CSGALNACT1: variants seen among roughly 807,000 people sequenced by gnomAD.
The protein encoded by CSGALNACT1 is beta4GalNAcT-1.
A neutral mutation model predicts 51.0 loss-of-function variants in CSGALNACT1; 52 were observed. The ratio of observed to expected loss-of-function variants is 1.02; its 90% confidence interval spans 0.82 to 1.29. The LOEUF (loss-of-function observed/expected upper bound fraction) is 1.29, where lower values mean the gene tolerates loss of function less well. Ranked by LOEUF, CSGALNACT1 falls within the 50% of genes most tolerant of loss-of-function variation. The pLI, the probability that CSGALNACT1 is intolerant of heterozygous loss-of-function variation, is 0.00. For missense variants in CSGALNACT1, 935 were observed against 679.2 expected (o/e 1.38, Z -4.19); for synonymous variants, 341 against 254.4 (o/e 1.34, Z -3.24).
At chr8:19,606,768 T>A (rs2051431184), upstream of CSGALNACT1, among the ~76,000 whole-genome samples, 1 of 152,190 alleles carries the variant, frequency 6.6e-6, no homozygotes, top group Non-Finnish European at 1.5e-5. Context: ...ATAACAAAAT[T>A]ATGCTACTAA....
At chr8:19,660,792 G>A (rs1052993954) in intron 1 of CSGALNACT1, among the ~76,000 whole-genome samples, 11 of 152,104 alleles carry the variant, frequency 7.2e-5, no homozygotes, top group African/African-American at 2.4e-4. Context: ...TGGCTCCTTT[G>A]TCCAAAAGGA....
intron 6 of CSGALNACT1, among the ~76,000 whole-genome samples, chr8:19,423,041 C>A (rs12678336): frequency 0.47 from 71,028 of 152,014 alleles, 18,094 homozygotes; most frequent in East Asian, 0.83. Flanking sequence ...ATGAGCAAGT[C>A]CTTCCTCACT....
At chr8:19,547,244 C>T (rs758988682) in intron 3 of CSGALNACT1, among the ~76,000 whole-genome samples, 1 of 152,138 alleles carries the variant, frequency 6.6e-6, no homozygotes, top group Admixed American at 6.5e-5. Context: ...TAACACACAG[C>T]CAAGTAAGTG....
chr8:19,474,520 T>G (rs1264176375), intron 4 of CSGALNACT1, among the ~76,000 whole-genome samples: 1 of 152,126 alleles, frequency 6.6e-6, no homozygotes, highest in African/African-American at 2.4e-5. Context: ...AATGGAGAGA[T>G]ATGCTTCGGC....
At chr8:19,540,945 A>G (rs2084956556) in intron 3 of CSGALNACT1, among the ~76,000 whole-genome samples, 1 of 152,144 alleles carries the variant, frequency 6.6e-6, no homozygotes, top group African/African-American at 2.4e-5. Context: ...AGTTCTCTCA[A>G]CACTCTCCAA....
At chr8:19,405,975 A>G (rs2153657839) in exon 10 of CSGALNACT1, 1 of 1,614,202 alleles carries the variant, frequency 6.2e-7, no homozygotes, top group Non-Finnish European at 8.5e-7. Context: ...GTCCTCGCAC[A>G]GGCGTCCGTA....
intron 3 of CSGALNACT1, among the ~76,000 whole-genome samples, chr8:19,550,508 A>G (rs1472407969): frequency 2.0e-5 from 3 of 152,104 alleles, no homozygotes; most frequent in Non-Finnish European, 2.9e-5. Flanking sequence ...AATACCAATT[A>G]TAGGTTTTTG....
At chr8:19,429,695 C>A (rs1169777659) in intron 6 of CSGALNACT1, among the ~76,000 whole-genome samples, 1 of 152,170 alleles carries the variant, frequency 6.6e-6, no homozygotes, top group African/African-American at 2.4e-5. Flanking sequence ...CATTCATGTA[C>A]AGTTATTTGT....
chr8:19,456,409 C>G (rs561905921), intron 5 of CSGALNACT1, among the ~76,000 whole-genome samples: 1 of 152,310 alleles, frequency 6.6e-6, no homozygotes, highest in African/African-American at 2.4e-5. Flanking sequence ...GCCAAATGAA[C>G]TTGCGATAAC....
chr8:19,460,114 C>T (rs1239991877), intron 4 of CSGALNACT1, among the ~76,000 whole-genome samples: 1 of 151,046 alleles, frequency 6.6e-6, no homozygotes, highest in Non-Finnish European at 1.5e-5. Context: ...CACACATACA[C>T]ACACACACAT....
chr8:19,601,194 G>C (rs1393067366), intron 2 of CSGALNACT1, among the ~76,000 whole-genome samples: 2 of 152,210 alleles, frequency 1.3e-5, no homozygotes, highest in East Asian at 3.9e-4. Flanking sequence ...ATTTTCATTT[G>C]TCCCCGGACT....
At chr8:19,522,301 G>A (rs2154031577) in intron 3 of CSGALNACT1, among the ~76,000 whole-genome samples, 1 of 152,194 alleles carries the variant, frequency 6.6e-6, no homozygotes, top group African/African-American at 2.4e-5. Context: ...AGAAAGCACA[G>A]TAAGAACCAG....
chr8:19,724,950 C>T (rs555974282), intron 1 of CSGALNACT1, among the ~76,000 whole-genome samples: 6 of 152,298 alleles, frequency 3.9e-5, no homozygotes, highest in South Asian at 2.1e-4. Context: ...CAGAGAGCTG[C>T]GCCCTCAGCA....
intron 1 of CSGALNACT1, among the ~76,000 whole-genome samples, chr8:19,678,411 C>T (rs1206291690): frequency 1.3e-5 from 2 of 152,046 alleles, no homozygotes; most frequent in Non-Finnish European, 2.9e-5. Context: ...GGATAAGTCA[C>T]CAGGAAGGGT....
intron 4 of CSGALNACT1, among the ~76,000 whole-genome samples, chr8:19,503,594 G>A (rs1355229579): frequency 6.6e-6 from 1 of 151,932 alleles, no homozygotes; most frequent in Non-Finnish European, 1.5e-5. Context: ...GATGTTTAAT[G>A]ATTTTCCCTG....
At chr8:19,557,089 G>C (rs140274994) in intron 3 of CSGALNACT1, among the ~76,000 whole-genome samples, 403 of 152,126 alleles carry the variant, frequency 2.6e-3, no homozygotes, top group African/African-American at 9.0e-3. Flanking sequence ...AGGTGAAAAG[G>C]GATTGGCATC....
intron 1 of CSGALNACT1, among the ~76,000 whole-genome samples, chr8:19,741,836 T>C (rs1246066098): frequency 6.6e-6 from 1 of 152,178 alleles, no homozygotes. Context: ...TAATTAATAA[T>C]GATGAGAGCT....
At chr8:19,606,514 A>G (rs1564243788), upstream of CSGALNACT1, among the ~76,000 whole-genome samples, 1 of 152,230 alleles carries the variant, frequency 6.6e-6, no homozygotes, top group African/African-American at 2.4e-5. Context: ...TACTGCAAAT[A>G]GTATGTTTTA....
At chr8:19,445,600 A>T (rs559326810) in intron 5 of CSGALNACT1, among the ~76,000 whole-genome samples, 1 of 152,338 alleles carries the variant, frequency 6.6e-6, no homozygotes, top group South Asian at 2.1e-4. Context: ...CATATCATGG[A>T]CCAGATACTC....
Sources: allele counts gnomAD v4.1 joint callset (sites outside exome capture counted in the v4.1 genomes callset), GRCh38; gene constraint gnomAD v4.1.1; transcripts MANE v1.5; gene names NCBI Gene and HGNC (gene_info 2026-07-23, HGNC 2026-07-21).